Variants in CAST observed in about 807,000 individuals in gnomAD.
The protein encoded by CAST is calpastatin.
In CAST, 76 loss-of-function variants were observed where a neutral mutation model predicts 119.6. The ratio of observed to expected loss-of-function variants is 0.64; its 90% CI spans 0.53 to 0.77. CAST has a LOEUF of 0.77. Among genes scored for constraint, CAST ranks in the 30% least tolerant of loss-of-function variants. The probability of loss-of-function intolerance (pLI) is 0.00; values close to 1 mark genes in which losing one functional copy is unlikely to be tolerated. For synonymous variants in CAST, 319 were observed against 331.6 expected, an observed-to-expected ratio of 0.96 and a Z score of 0.41; for missense variants, 953 against 946.5, an observed-to-expected ratio of 1.01 and a Z score of -0.09.
chr5:96,696,450 G>A (rs1753301921), intron 3 of CAST, among the ~76,000 whole-genome samples: 2 of 152,086 alleles, frequency 1.3e-5, no homozygotes, highest in South Asian at 4.1e-4. Flanking sequence ...CTTTGACAAT[G>A]CTGGGTCTTA....
chr5:96,268,910 T>G, the CAST span, among the ~76,000 whole-genome samples: 1 of 152,106 alleles, frequency 6.6e-6, no homozygotes, highest in African/African-American at 2.4e-5. Context: ...GGCAGCAGTT[T>G]CCCCCAATGC....
chr5:96,596,136 T>C (rs1398807102), intron 1 of CAST, among the ~76,000 whole-genome samples: 1 of 152,186 alleles, frequency 6.6e-6, no homozygotes, highest in Non-Finnish European at 1.5e-5. Flanking sequence ...TTGCCTAATA[T>C]GGCAAAAGGA....
intron 9 of CAST, among the ~76,000 whole-genome samples, chr5:96,735,305 C>G (rs1761404423): frequency 6.6e-6 from 1 of 152,210 alleles, no homozygotes; most frequent in Non-Finnish European, 1.5e-5. Flanking sequence ...CAAACCTTGG[C>G]AGTCAGAGCC....
At chr5:96,392,977 C>G in the CAST span, 1 of 1,613,458 alleles carries the variant, frequency 6.2e-7, no homozygotes, top group Non-Finnish European at 8.5e-7. Context: ...ATGAATATTT[C>G]CAACTTGGGA....
At chr5:95,996,846 T>A in the CAST span, among the ~76,000 whole-genome samples, 4,918 of 152,196 alleles carry the variant, frequency 0.032, 272 homozygotes, top group African/African-American at 0.11. Flanking sequence ...CACAGGATTA[T>A]ACCTGAACTC....
the CAST span, among the ~76,000 whole-genome samples, chr5:95,994,176 A>G: frequency 6.6e-6 from 1 of 152,168 alleles, no homozygotes; most frequent in South Asian, 2.1e-4. Context: ...GTATTTGTCC[A>G]AGAGAAATGA....
At chr5:96,069,180 T>A in the CAST span, among the ~76,000 whole-genome samples, 199 of 152,050 alleles carry the variant, frequency 1.3e-3, no homozygotes, top group African/African-American at 4.6e-3. Flanking sequence ...TGTATATATG[T>A]ATACATACAC....
chr5:96,568,302 C>T (rs1029384237), intron 1 of CAST, among the ~76,000 whole-genome samples: 4 of 152,066 alleles, frequency 2.6e-5, no homozygotes, highest in Admixed American at 1.3e-4. Flanking sequence ...CGGTGGCTCA[C>T]GCCTGTAATC....
the CAST span, among the ~76,000 whole-genome samples, chr5:96,499,055 A>T: frequency 1.3e-5 from 2 of 152,016 alleles, no homozygotes. Flanking sequence ...GAAAAAAGAA[A>T]AAAAGAAAAC....
At chr5:96,452,775 C>G in the CAST span, among the ~76,000 whole-genome samples, 1 of 143,844 alleles carries the variant, frequency 7.0e-6, no homozygotes, top group Admixed American at 6.9e-5. Flanking sequence ...AAGGTGAAAC[C>G]CCGTCTCTAC....
the CAST span, chr5:96,213,711 A>T: frequency 6.6e-6 from 1 of 152,164 alleles, no homozygotes; most frequent in African/African-American, 2.4e-5. Flanking sequence ...GAATCTCTTG[A>T]ATCCAGAAGT....
the CAST span, among the ~76,000 whole-genome samples, chr5:96,416,447 C>G: frequency 6.6e-6 from 1 of 152,228 alleles, no homozygotes; most frequent in Non-Finnish European, 1.5e-5. Flanking sequence ...AGTAAGAACA[C>G]AGTGAGTGTT....
chr5:96,551,510 T>C (rs561883281), intron 1 of CAST, among the ~76,000 whole-genome samples: 1 of 152,212 alleles, frequency 6.6e-6, no homozygotes. Flanking sequence ...ACTGTATCAA[T>C]TAATGGGTGA....
At chr5:96,615,892 G>T (rs1400800291) in intron 1 of CAST, among the ~76,000 whole-genome samples, 2 of 152,110 alleles carry the variant, frequency 1.3e-5, no homozygotes, top group African/African-American at 4.8e-5. Context: ...CCTACAATCG[G>T]CCATCTGCAA....
the CAST span, among the ~76,000 whole-genome samples, chr5:96,425,048 G>A: frequency 0.011 from 1,338 of 123,946 alleles, 21 homozygotes; most frequent in East Asian, 0.062. Flanking sequence ...AAGAAAGAAA[G>A]AAAGAAAGAA....
intron 1 of CAST, among the ~76,000 whole-genome samples, chr5:96,602,550 G>C (rs772913309): frequency 6.6e-6 from 1 of 152,206 alleles, no homozygotes; most frequent in Non-Finnish European, 1.5e-5. Flanking sequence ...TCAGAAGTCC[G>C]AGACCAGCCT....
chr5:96,073,674 G>A, the CAST span, among the ~76,000 whole-genome samples: 3 of 152,148 alleles, frequency 2.0e-5, no homozygotes, highest in African/African-American at 7.2e-5. Context: ...TGCATGCACA[G>A]TTCACAATAG....
chr5:96,319,194 T>C, the CAST span, among the ~76,000 whole-genome samples: 3 of 152,148 alleles, frequency 2.0e-5, no homozygotes, highest in Admixed American at 1.3e-4. Flanking sequence ...TCATGTGAAC[T>C]AACAGAGTGA....
the CAST span, among the ~76,000 whole-genome samples, chr5:96,264,219 T>A: frequency 2.6e-5 from 4 of 152,050 alleles, no homozygotes; most frequent in South Asian, 8.3e-4. Context: ...TTAGAGGGAG[T>A]CTTAGCGCAA....
Sources: allele counts gnomAD v4.1 joint callset (sites outside exome capture counted in the v4.1 genomes callset), GRCh38; gene constraint gnomAD v4.1.1; transcripts MANE v1.5; gene names NCBI Gene and HGNC (gene_info 2026-07-23, HGNC 2026-07-21).